WWP2: variants seen among roughly 807,000 people sequenced by gnomAD.
The protein encoded by WWP2 is WW domain containing E3 ubiquitin protein ligase 2.
A neutral mutation model predicts 121.0 loss-of-function variants in WWP2; 57 were observed. The observed-to-expected ratio is 0.47, with a 90% CI of 0.38 to 0.59. WWP2 has a LOEUF of 0.59. Among genes scored for constraint, WWP2 ranks in the 20% least tolerant of loss-of-function variants. WWP2 has a pLI of 0.00. For missense variants in WWP2, 962 were observed against 1,158.9 expected (o/e 0.83, Z 2.47); for synonymous variants, 449 against 441.3 (o/e 1.02, Z -0.22).
intron 1 of WWP2, among the ~76,000 whole-genome samples, chr16:69,772,730 G>T (rs1014071227): frequency 1.3e-5 from 2 of 152,056 alleles, no homozygotes; most frequent in Admixed American, 1.3e-4. Flanking sequence ...CTTGTGGGGA[G>T]GTGCTTTTGG....
intron 1 of WWP2, among the ~76,000 whole-genome samples, chr16:69,764,088 C>T (rs1339276394): frequency 1.3e-5 from 2 of 152,190 alleles, no homozygotes; most frequent in Non-Finnish European, 2.9e-5. Flanking sequence ...GAGACTGAGG[C>T]TTAATGAAGT....
intron 4 of WWP2, among the ~76,000 whole-genome samples, chr16:69,839,643 A>T (rs113368526): frequency 3.3e-5 from 5 of 152,192 alleles, no homozygotes; most frequent in African/African-American, 1.2e-4. Flanking sequence ...AGGATTGAAA[A>T]TTTTAAAAAA....
chr16:69,798,980 C>A, intron 3 of WWP2, 151 bp downstream of exon 3: 1 of 1,343,520 alleles, frequency 7.4e-7, no homozygotes, highest in Non-Finnish European at 1.0e-6. Context: ...TGTTCCTACA[C>A]CATTGAGCTC....
At chr16:69,804,354 C>A (rs1272200608) in intron 4 of WWP2, among the ~76,000 whole-genome samples, 1 of 152,182 alleles carries the variant, frequency 6.6e-6, no homozygotes, top group Non-Finnish European at 1.5e-5. Flanking sequence ...TCTGCATCCA[C>A]ATGAGTTTAT....
intron 2 of WWP2, among the ~76,000 whole-genome samples, chr16:69,790,795 C>T (rs550688775): frequency 1.1e-4 from 16 of 152,062 alleles, no homozygotes; most frequent in African/African-American, 1.4e-4. Context: ...AGGCTGGTCT[C>T]GAACTTCTGA....
At chr16:69,923,379 AC>A (rs1201206319) in intron 10 of WWP2, among the ~76,000 whole-genome samples, 1 of 150,912 alleles carries the variant, frequency 6.6e-6, no homozygotes, top group South Asian at 2.1e-4. Flanking sequence ...TTTTTTAAAA[AC>A]CCTTTAACGA....
intron 9 of WWP2, among the ~76,000 whole-genome samples, chr16:69,913,097 T>G (rs1201567066): frequency 1.4e-5 from 2 of 139,084 alleles, no homozygotes; most frequent in African/African-American, 2.6e-5. Context: ...CAATCTCGGC[T>G]CACTGCAACC....
Position 69,799,572 on chromosome 16 carries a change from C to T in WWP2, c.340+277C>T, listed in dbSNP as rs778247836. On this transcript the variant is annotated intron_variant, in intron 4 of 23. Transcript: ENST00000359154. This position sits in a 1 kb window ranked among gnomAD's most constrained non-coding sequence, Gnocchi z 4.5. ...TGGAAACTTTCTGTCTGCCTCTGCT[C>T]CTCTTCCCGTTGCAGGAGATGTGTG... 1 of 354,582 alleles carries T rather than the reference C, an allele frequency of 2.8e-6. No homozygotes were observed. Among genetic ancestry groups the T allele is most frequent in the East Asian group, 5.1e-5 (1 of 19,504 alleles). 22.0% of individuals were successfully genotyped at this position (354,582 alleles called of 1,614,324 possible).
chr16:69,836,567 GA>G (rs2056880175), intron 4 of WWP2, among the ~76,000 whole-genome samples: 1 of 151,916 alleles, frequency 6.6e-6, no homozygotes, highest in South Asian at 2.1e-4. Context: ...TTAGTTTAAA[GA>G]AAAAAGGCCC....
intron 1 of WWP2, among the ~76,000 whole-genome samples, chr16:69,781,099 A>G (rs2055654622): frequency 6.6e-6 from 1 of 152,088 alleles, no homozygotes. Context: ...AAGTTTGTAT[A>G]CAACCCCTGA....
At chr16:69,913,089 A>G (rs374642480) in intron 9 of WWP2, among the ~76,000 whole-genome samples, 1 of 136,386 alleles carries the variant, frequency 7.3e-6, no homozygotes, top group Non-Finnish European at 1.6e-5. Flanking sequence ...CAGTGGCGCA[A>G]TCTCGGCTCA....
At position 69,906,740 on chromosome 16, in the gene WWP2, C is replaced by A. The variant is rs146392449; in HGVS notation, c.915-2021C>A. Among the ~76,000 whole-genome samples, 104 of 152,166 alleles carry A rather than the reference C, an allele frequency of 6.8e-4. 1 individual carries two copies. The highest frequency in any genetic ancestry group is 2.4e-3 in the African/African-American group (99 of 41,502). ...CTACGAAATAAAAAGATTAGCTGGG[C>A]CTCGTGGCATGCACTTGTTTTCCTA... On this transcript the variant is annotated intron_variant, in intron 8 of 23. Transcript: ENST00000359154.
chr16:69,854,747 C>T (rs2057278734), intron 6 of WWP2, among the ~76,000 whole-genome samples: 1 of 152,076 alleles, frequency 6.6e-6, no homozygotes, highest in Non-Finnish European at 1.5e-5. Context: ...GGCGAGGTTT[C>T]GCCAAGTTGG....
chr16:69,904,067 C>G (rs962911639), intron 8 of WWP2, among the ~76,000 whole-genome samples: 4 of 152,198 alleles, frequency 2.6e-5, no homozygotes, highest in Admixed American at 2.6e-4. Flanking sequence ...CTGCCATTGG[C>G]GCTCAGCGCT....
chr16:69,837,014 C>T (rs1380972723), intron 4 of WWP2, among the ~76,000 whole-genome samples: 2 of 152,160 alleles, frequency 1.3e-5, no homozygotes, highest in African/African-American at 4.8e-5. Flanking sequence ...GCCTCGACCT[C>T]CCGGGCTCAG....
chr16:69,941,633 T>A lies in WWP2; in HGVS notation c.*1693T>A, dbSNP rs1216998129. The A allele has an allele frequency of 6.5e-6, 1 of 153,774 alleles. No homozygotes were observed. The highest frequency in any genetic ancestry group is 1.5e-5 in the Non-Finnish European group (1 of 68,056). The allele number at this position is 153,774 out of a possible 1,614,324, so 9.5% of individuals were successfully genotyped here. On this transcript the variant is annotated 3_prime_UTR_variant, in exon 24 of 24. Transcript: ENST00000359154. ...TACGTGTATATAACTGAAGTGTCTG[T>A]ACGGAATGCCCTTTGCTAGCCATGG... is the stretch of plus-strand genomic sequence containing the variant.
intron 4 of WWP2, among the ~76,000 whole-genome samples, chr16:69,835,710 T>C (rs2056864210): frequency 6.6e-6 from 1 of 152,226 alleles, no homozygotes; most frequent in African/African-American, 2.4e-5. Context: ...CACCCTATTC[T>C]TCTAAAAAGT....
chr16:69,849,750 G>A (rs8052225), intron 6 of WWP2, among the ~76,000 whole-genome samples: 103,893 of 151,830 alleles, frequency 0.68, 37,283 homozygotes, highest in African/African-American at 0.9. Context: ...TGAGGCTGCA[G>A]TGAGTTATGA....
intron 6 of WWP2, among the ~76,000 whole-genome samples, chr16:69,869,731 T>A (rs2057597410): frequency 6.6e-6 from 1 of 152,224 alleles, no homozygotes; most frequent in Non-Finnish European, 1.5e-5. Flanking sequence ...AAAGGGCTTC[T>A]TTATTCCCAA....
Sources: allele counts gnomAD v4.1 joint callset (sites outside exome capture counted in the v4.1 genomes callset), GRCh38; gene constraint gnomAD v4.1.1; non-coding constraint Gnocchi (gnomAD v3.1); transcripts MANE v1.5; gene names NCBI Gene and HGNC (gene_info 2026-07-23, HGNC 2026-07-21).